The following COL25A1 variants were observed in gnomAD, a reference collection of about 807,000 sequenced individuals.
COL25A1 encodes the protein collagen type XXV alpha 1 chain.
A neutral mutation model predicts 128.4 loss-of-function variants in COL25A1; 103 were observed. The ratio of observed to expected loss-of-function variants is 0.80; its 90% CI spans 0.68 to 0.94. COL25A1 has a LOEUF of 0.94. Among genes scored for constraint, COL25A1 ranks in the 40% least tolerant of loss-of-function variants. The pLI, the probability that COL25A1 is intolerant of heterozygous loss-of-function variation, is 0.00. For missense variants in COL25A1, 745 were observed against 840.0 expected (o/e 0.89, Z 1.40); for synonymous variants, 279 against 277.2 (o/e 1.01, Z -0.06).
At chr4:108,929,557 G>A (rs1464395181) in intron 11 of COL25A1, among the ~76,000 whole-genome samples, 18 of 152,130 alleles carry the variant, frequency 1.2e-4, no homozygotes, top group Non-Finnish European at 2.1e-4. Context: ...ATAAAAAGAT[G>A]CAGGCTGGGC....
At chr4:108,837,502 T>C (rs1286727572) in intron 31 of COL25A1, among the ~76,000 whole-genome samples, 2 of 151,618 alleles carry the variant, frequency 1.3e-5, no homozygotes, top group Non-Finnish European at 2.9e-5. Context: ...TCATTAAAAA[T>C]AAAAATCTCT....
chr4:109,121,081 T>A (rs976399620), intron 3 of COL25A1, among the ~76,000 whole-genome samples: 4 of 152,050 alleles, frequency 2.6e-5, no homozygotes, highest in Non-Finnish European at 1.5e-5. Flanking sequence ...CAAGTTACTT[T>A]GTGGATGTCA....
At chr4:109,213,192 G>A (rs1012151513) in intron 3 of COL25A1, among the ~76,000 whole-genome samples, 1 of 152,122 alleles carries the variant, frequency 6.6e-6, no homozygotes, top group South Asian at 2.1e-4. Flanking sequence ...TTTGGAATAT[G>A]ACTAGCAGAA....
intron 35 of COL25A1, among the ~76,000 whole-genome samples, chr4:108,823,362 G>T (rs1394015891): frequency 6.6e-6 from 1 of 152,030 alleles, no homozygotes; most frequent in Non-Finnish European, 1.5e-5. Context: ...TACTGAGAAA[G>T]GGGTGGTAGG....
chr4:109,160,683 C>T lies in COL25A1; in HGVS notation c.368-110504G>A, dbSNP rs180938722. ...GTTGGTCCTACAAACAGTCAGTGAG[C>T]CTGAGGTCAGCAGGAAGAGCTCTAT... On this transcript the variant is annotated intron_variant, in intron 3 of 37. Transcript: ENST00000399132. 2.5e-4 allele frequency among the ~76,000 whole-genome samples: 38 copies of T among 152,204 alleles called. No homozygotes were observed. In the East Asian group the frequency reaches 4.1e-3, roughly 16 times the overall value.
intron 5 of COL25A1, among the ~76,000 whole-genome samples, chr4:109,029,787 G>A (rs1035357176): frequency 1.3e-5 from 2 of 152,030 alleles, no homozygotes; most frequent in Admixed American, 6.5e-5. Context: ...CAAAAACTCA[G>A]AAATACAGAG....
In COL25A1 at chr4:109,297,862, C is replaced by CTTT. The variant is rs35099153; in HGVS notation, c.367+2718_367+2720dup. On this transcript the variant is annotated intron_variant, in intron 3 of 37. Coordinates refer to ENST00000399132, the MANE Select transcript of COL25A1 (RefSeq NM_198721.4). Reference sequence around the variant, plus strand: ...GGTATTATTAGTCTTTTTTCCTTTTCTTTTTTTTTTTTTTTTTTTTTTTTT... The same window carrying CTTT: ...GGTATTATTAGTCTTTTTTCCTTTTCTTTTTTTTTTTTTTTTTTTTTTTTTTTT... Among the ~76,000 whole-genome samples, 433 of 63,910 alleles carry CTTT rather than the reference C, an allele frequency of 6.8e-3. 2 individuals are homozygous for CTTT. The highest frequency in any genetic ancestry group is 0.012 in the East Asian group (23 of 1,934). The allele number at this position is 63,910 out of a possible 152,430, so 41.9% of individuals were successfully genotyped here.
At chr4:108,948,389 G>T (rs1013730942) in intron 8 of COL25A1, among the ~76,000 whole-genome samples, 1 of 152,046 alleles carries the variant, frequency 6.6e-6, no homozygotes, top group Non-Finnish European at 1.5e-5. Flanking sequence ...ATTGCCTCAT[G>T]GTATTATTAA....
chr4:108,864,745 T>A (rs1737681327), intron 20 of COL25A1, among the ~76,000 whole-genome samples: 1 of 152,204 alleles, frequency 6.6e-6, no homozygotes, highest in Non-Finnish European at 1.5e-5. Flanking sequence ...ATTTCATAAT[T>A]ATTGCTGTTA....
chr4:109,218,395 C>T lies in COL25A1; in HGVS notation c.367+82188G>A, dbSNP rs139287412. Among the ~76,000 whole-genome samples, 463 of 51,840 alleles carry T rather than the reference C, an allele frequency of 8.9e-3. 6 individuals carry two copies. In the Middle Eastern group the frequency reaches 0.12, roughly 14 times the overall value. 34.0% of individuals were successfully genotyped at this position (51,840 alleles called of 152,430 possible). On this transcript the variant is annotated intron_variant, in intron 3 of 37. Transcript: ENST00000399132. ...TTTTTTTTTTTTTGCTTTTGAACTA[C>T]ACTTACTCTCCATGGCAGCTTAAAA...
chr4:109,000,765 AAAAG>A (rs1289753713), intron 6 of COL25A1, among the ~76,000 whole-genome samples: 8,613 of 91,540 alleles, frequency 0.094, 1,579 homozygotes, highest in East Asian at 0.16. Flanking sequence ...AAAAAAAAAA[AAAAG>A]AAAAAACTAT....
At chr4:109,237,902 A>T (rs1433340766) in intron 3 of COL25A1, among the ~76,000 whole-genome samples, 1 of 152,108 alleles carries the variant, frequency 6.6e-6, no homozygotes, top group African/African-American at 2.4e-5. Flanking sequence ...TCATGTAAGT[A>T]AAACAATATA....
intron 31 of COL25A1, among the ~76,000 whole-genome samples, chr4:108,837,407 T>G (rs1288871385): frequency 6.6e-6 from 1 of 152,174 alleles, no homozygotes; most frequent in Non-Finnish European, 1.5e-5. Context: ...TCGTATTTAA[T>G]AACAATTTAA....
chr4:108,902,135 T>C (rs1226693846), intron 13 of COL25A1, among the ~76,000 whole-genome samples: 2 of 152,066 alleles, frequency 1.3e-5, no homozygotes, highest in Non-Finnish European at 2.9e-5. Flanking sequence ...GCAAACTTAA[T>C]TGATTTTTGA....
At chr4:109,128,521 A>G (rs563098702) in intron 3 of COL25A1, among the ~76,000 whole-genome samples, 3 of 152,324 alleles carry the variant, frequency 2.0e-5, no homozygotes, top group Admixed American at 2.0e-4. Context: ...GACTTTGTCT[A>G]TAACTTCCTT....
At chr4:109,074,750 T>C (rs1763250847) in intron 3 of COL25A1, among the ~76,000 whole-genome samples, 1 of 152,182 alleles carries the variant, frequency 6.6e-6, no homozygotes, top group Non-Finnish European at 1.5e-5. Context: ...TTCAATGGAA[T>C]CATACAGCTA....
chr4:109,169,096 G>A (rs1773340917), intron 3 of COL25A1, among the ~76,000 whole-genome samples: 1 of 152,072 alleles, frequency 6.6e-6, no homozygotes, highest in Non-Finnish European at 1.5e-5. Context: ...TCTTTAACTT[G>A]GTAGAAGTGT....
intron 3 of COL25A1, among the ~76,000 whole-genome samples, chr4:109,072,245 C>T (rs1055467674): frequency 3.9e-5 from 6 of 152,244 alleles, no homozygotes; most frequent in African/African-American, 1.4e-4. Context: ...ATACCTATGT[C>T]ACCACTGGAT....
chr4:108,881,341 A>C (rs865826820), intron 19 of COL25A1, among the ~76,000 whole-genome samples: 1 of 152,204 alleles, frequency 6.6e-6, no homozygotes, highest in South Asian at 2.1e-4. Context: ...CCCCGAGAGC[A>C]ACAGCTGGTG....
Sources: gnomAD v4.1 joint callset for allele counts (sites outside exome capture counted in the v4.1 genomes callset) on GRCh38, gnomAD v4.1.1 for gene constraint, MANE v1.5 for transcripts, NCBI Gene and HGNC (gene_info 2026-07-23, HGNC 2026-07-21) for gene names.